The following CEP120 variants were observed in gnomAD, a reference collection of about 807,000 sequenced individuals.
The protein encoded by CEP120 is centrosomal protein 120, also known as centrosomal protein of 120 kDa.
CEP120 carries 113 observed loss-of-function variants against 126.5 expected under a neutral mutation model. The observed-to-expected ratio is 0.89, with a 90% CI of 0.77 to 1.04. CEP120 has a LOEUF of 1.04. CEP120 is among the 50% of genes least tolerant of loss of function. The pLI, the probability that CEP120 is intolerant of heterozygous loss-of-function variation, is 0.00. For synonymous variants in CEP120, 400 were observed against 394.3 expected, an observed-to-expected ratio of 1.01 and a Z score of -0.17; for missense variants, 1,230 against 1,155.7, an observed-to-expected ratio of 1.06 and a Z score of -0.93.
At chr5:123,409,245 A>C (rs1773884016) in intron 4 of CEP120, among the ~76,000 whole-genome samples, 1 of 152,200 alleles carries the variant, frequency 6.6e-6, no homozygotes, top group South Asian at 2.1e-4. Flanking sequence ...TAATGATAAA[A>C]ACTCTCAATA....
chr5:123,348,465 T>C (rs1768982766), intron 19 of CEP120, among the ~76,000 whole-genome samples: 1 of 152,210 alleles, frequency 6.6e-6, no homozygotes, highest in African/African-American at 2.4e-5. Context: ...ACATGGTAGA[T>C]ACCAAATAAA....
chr5:123,380,034 A>C (rs891596959), intron 14 of CEP120, among the ~76,000 whole-genome samples: 9 of 152,098 alleles, frequency 5.9e-5, no homozygotes, highest in Non-Finnish European at 1.3e-4. Flanking sequence ...AACAAGAACC[A>C]CGTATATATC....
chr5:123,402,132 C>T, intron 4 of CEP120: 1 of 1,583,184 alleles, frequency 6.3e-7, no homozygotes, highest in Non-Finnish European at 8.7e-7. Context: ...GCTCAGCAGG[C>T]TCTGGTTGAC....
intron 18 of CEP120, among the ~76,000 whole-genome samples, chr5:123,360,854 T>A (rs551652339): frequency 6.6e-6 from 1 of 151,924 alleles, no homozygotes; most frequent in African/African-American, 2.4e-5. Context: ...AGTCAGGAAT[T>A]TGGGGGATTC....
At chr5:123,368,257 A>G (rs994077927) in intron 17 of CEP120, among the ~76,000 whole-genome samples, 1 of 152,070 alleles carries the variant, frequency 6.6e-6, no homozygotes, top group Non-Finnish European at 1.5e-5. Context: ...CTCTGTTACA[A>G]TTTTGATTTC....
intron 4 of CEP120, among the ~76,000 whole-genome samples, chr5:123,406,511 A>G (rs1243976203): frequency 9.2e-5 from 14 of 151,752 alleles, no homozygotes; most frequent in Admixed American, 4.6e-4. Context: ...CTAAGGGACC[A>G]AAGATAAGAA....
At chr5:123,356,802 T>C (rs944195248) in intron 18 of CEP120, among the ~76,000 whole-genome samples, 1 of 152,168 alleles carries the variant, frequency 6.6e-6, no homozygotes, top group Non-Finnish European at 1.5e-5. Flanking sequence ...ATTTTAATTC[T>C]ATGTATATTT....
intron 17 of CEP120, among the ~76,000 whole-genome samples, chr5:123,370,209 A>C (rs975171430): frequency 2.6e-5 from 4 of 152,030 alleles, no homozygotes; most frequent in African/African-American, 9.7e-5. Flanking sequence ...AATAAGTATA[A>C]GAAGTATACA....
In CEP120 at chr5:123,391,261, G is replaced by T; in HGVS notation, c.887C>A (p.Thr296Lys). ...TGTGACTGGGTGCTGGTTGATTTCT[G>T]TACTGCCCTTTTTAAGTAATCCAGT... is the stretch of plus-strand genomic sequence containing the variant. ...PLTGLLKKGS[T>K]EINQHPVTVE... Residue 296 changes from threonine to lysine, a missense_variant, in exon 7 of 20, where the codon ACA becomes AAA. Thr to Lys is a moderately conservative substitution (Grantham distance 78). Transcript: ENST00000306467. 2 of 1,614,132 alleles carry T rather than the reference G, an allele frequency of 1.2e-6. No homozygotes were observed. Among genetic ancestry groups the T allele is most frequent in the Non-Finnish European group, 1.7e-6 (2 of 1,180,018 alleles).
intron 7 of CEP120, among the ~76,000 whole-genome samples, chr5:123,390,670 A>G (rs1772332971): frequency 6.6e-6 from 1 of 152,236 alleles, no homozygotes; most frequent in South Asian, 2.1e-4. Flanking sequence ...ACACGGCCAA[A>G]TAAATGATCA....
intron 16 of CEP120, among the ~76,000 whole-genome samples, chr5:123,375,128 A>G (rs1771121579): frequency 6.6e-6 from 1 of 152,102 alleles, no homozygotes; most frequent in Admixed American, 6.5e-5. Context: ...GTATACAGTC[A>G]TGGACTTAGC....
In CEP120 at chr5:123,349,862, A is replaced by T. The variant is rs1010260777; in HGVS notation, c.2726+82T>A. The T allele has an allele frequency of 4.6e-6, 5 of 1,084,216 alleles. No homozygotes were observed. The Admixed American group carries it at 1.1e-4, about 24-fold the overall frequency. 67.2% of individuals were successfully genotyped at this position (1,084,216 alleles called of 1,614,324 possible). Reference sequence around the variant, plus strand: ...TTTTATATATTTTTATATATGATCTACTTTATCCTTGGGAGACCTCAAGTT... The same window carrying T: ...TTTTATATATTTTTATATATGATCTTCTTTATCCTTGGGAGACCTCAAGTT... On this transcript the variant is annotated intron_variant, in intron 19 of 19. Coordinates refer to ENST00000306467, the MANE Select transcript of CEP120 (RefSeq NM_001375405.1).
At chr5:123,399,438 C>CA (rs1385659199) in intron 4 of CEP120, among the ~76,000 whole-genome samples, 154 bp from the exon 5 acceptor site, 1 of 152,050 alleles carries the variant, frequency 6.6e-6, no homozygotes, top group East Asian at 1.9e-4. Flanking sequence ...ACATACTCAC[C>CA]AAAGAAACCT....
intron 18 of CEP120, among the ~76,000 whole-genome samples, chr5:123,356,660 A>C (rs2407776): frequency 1.1e-4 from 17 of 151,768 alleles, no homozygotes; most frequent in Non-Finnish European, 2.5e-4. Flanking sequence ...AATCATTTTT[A>C]ACTCTTTTTT....
At chr5:123,420,733 G>C (rs1336829064) in intron 1 of CEP120, among the ~76,000 whole-genome samples, 1 of 152,208 alleles carries the variant, frequency 6.6e-6, no homozygotes, top group Non-Finnish European at 1.5e-5. Flanking sequence ...CTACTGAAAA[G>C]ATTATTACAG....
chr5:123,414,118 C>T (rs1036273742), intron 3 of CEP120, among the ~76,000 whole-genome samples: 1 of 152,122 alleles, frequency 6.6e-6, no homozygotes, highest in Non-Finnish European at 1.5e-5. Flanking sequence ...ACAAAGAATG[C>T]CAAGAGTATT....
At chr5:123,353,286 A>T (rs1769328648) in intron 18 of CEP120, among the ~76,000 whole-genome samples, 1 of 151,928 alleles carries the variant, frequency 6.6e-6, no homozygotes, top group Admixed American at 6.6e-5. Flanking sequence ...GTCTAGTCTT[A>T]GTTTGTTAAT....
At chr5:123,366,173 T>C (rs546046192) in intron 17 of CEP120, among the ~76,000 whole-genome samples, 63 of 151,904 alleles carry the variant, frequency 4.1e-4, no homozygotes, top group Non-Finnish European at 8.0e-4. Context: ...TTTTAAGATA[T>C]AGATGTCTCT....
chr5:123,401,230 G>T, intron 4 of CEP120: 1 of 1,612,616 alleles, frequency 6.2e-7, no homozygotes, highest in Non-Finnish European at 8.5e-7. Flanking sequence ...TGGTACTCAC[G>T]CAGCTGCCAC....
Sources: gnomAD v4.1 joint callset for allele counts (sites outside exome capture counted in the v4.1 genomes callset) on GRCh38, gnomAD v4.1.1 for gene constraint, MANE v1.5 for transcripts, NCBI Gene and HGNC (gene_info 2026-07-23, HGNC 2026-07-21) for gene names.